MTHFD2L: variants seen among roughly 807,000 people sequenced by gnomAD.
MTHFD2L encodes bifunctional methylenetetrahydrofolate dehydrogenase/cyclohydrolase 2, mitochondrial.
A neutral mutation model predicts 34.9 loss-of-function variants in MTHFD2L; 29 were observed. The observed-to-expected ratio is 0.83, with a 90% confidence interval of 0.62 to 1.13. The LOEUF is 1.13. MTHFD2L is among the 50% of genes most tolerant of loss of function. The probability of loss-of-function intolerance (pLI) is 0.00; values close to 1 mark genes in which losing one functional copy is unlikely to be tolerated. For synonymous variants in MTHFD2L, 167 were observed against 155.7 expected (o/e 1.07, Z -0.54); for missense variants, 481 against 446.5 (o/e 1.08, Z -0.70).
intron 1 of MTHFD2L, among the ~76,000 whole-genome samples, chr4:74,144,088 T>A (rs1344440828): frequency 1.3e-5 from 2 of 152,214 alleles, no homozygotes; most frequent in Non-Finnish European, 2.9e-5. Context: ...TGCTAAACTA[T>A]CAATAAATCT....
At chr4:74,159,520 T>G (rs1724942431) in intron 1 of MTHFD2L, among the ~76,000 whole-genome samples, 1 of 152,252 alleles carries the variant, frequency 6.6e-6, no homozygotes, top group African/African-American at 2.4e-5. Context: ...TTGTTTCAAA[T>G]AGTACAACTT....
At chr4:74,274,664 G>T (rs1024946697) in intron 6 of MTHFD2L, among the ~76,000 whole-genome samples, 1 of 152,200 alleles carries the variant, frequency 6.6e-6, no homozygotes, top group Non-Finnish European at 1.5e-5. Flanking sequence ...GGTGAGAACT[G>T]CATTGACAGA....
intron 1 of MTHFD2L, among the ~76,000 whole-genome samples, chr4:74,135,189 A>C (rs1722821561): frequency 6.6e-6 from 1 of 152,154 alleles, no homozygotes; most frequent in South Asian, 2.1e-4. Context: ...TCAAGCATAA[A>C]GATAAAACTG....
At chr4:74,155,960 TTGTA>T (rs1321944832), upstream of MTHFD2L, among the ~76,000 whole-genome samples, 1 of 151,990 alleles carries the variant, frequency 6.6e-6, no homozygotes, top group African/African-American at 2.4e-5. Context: ...TGTAAAATGT[TTGTA>T]TGTATTTAGA....
chr4:74,120,785 T>C (rs962219321), upstream of MTHFD2L, among the ~76,000 whole-genome samples: 1 of 152,182 alleles, frequency 6.6e-6, no homozygotes, highest in African/African-American at 2.4e-5. Context: ...TTTCTAAAGG[T>C]AGATCACTGG....
In MTHFD2L at chr4:74,186,330, C is replaced by A. The variant is rs193215722; in HGVS notation, c.451+10927C>A. ...TTACAATCAAGAAAGTCAAGGATGT[C>A]CACTATTACCATGTCTATTTAACAT... On this transcript the variant is annotated intron_variant, in intron 3 of 7. Transcript: ENST00000325278. Among the ~76,000 whole-genome samples, 4 of 149,884 alleles carry A rather than the reference C, an allele frequency of 2.7e-5. No homozygotes were observed. In the East Asian group the frequency reaches 8.1e-4, roughly 30 times the overall value.
At chr4:74,188,209 A>G (rs1047160846) in intron 3 of MTHFD2L, among the ~76,000 whole-genome samples, 5 of 152,232 alleles carry the variant, frequency 3.3e-5, no homozygotes, top group Non-Finnish European at 4.4e-5. Flanking sequence ...TTCATCTATC[A>G]TAAGAAAATA....
At chr4:74,178,282 A>G (rs978766235) in intron 3 of MTHFD2L, among the ~76,000 whole-genome samples, 3 of 152,124 alleles carry the variant, frequency 2.0e-5, no homozygotes, top group African/African-American at 4.8e-5. Flanking sequence ...TAGCTGTTTC[A>G]TAATGTATAC....
intron 1 of MTHFD2L, among the ~76,000 whole-genome samples, chr4:74,133,537 T>C (rs529196648): frequency 6.6e-6 from 1 of 152,168 alleles, no homozygotes; most frequent in African/African-American, 2.4e-5. Context: ...TTGGACTGTA[T>C]TTTCTTAATA....
At chr4:74,146,454 CCAG>C (rs1483766507) in intron 1 of MTHFD2L, among the ~76,000 whole-genome samples, 2 of 152,128 alleles carry the variant, frequency 1.3e-5, no homozygotes, top group African/African-American at 4.8e-5. Flanking sequence ...TAATCAATCT[CCAG>C]AACTCTTTTC....
At chr4:74,251,556 G>GT (rs1165493778) in intron 6 of MTHFD2L, among the ~76,000 whole-genome samples, 2 of 152,130 alleles carry the variant, frequency 1.3e-5, no homozygotes, top group East Asian at 3.9e-4. Context: ...GTTCAGAGTA[G>GT]TTTTTTCACT....
chr4:74,131,903 T>C (rs1722535827), intron 1 of MTHFD2L, among the ~76,000 whole-genome samples: 1 of 151,798 alleles, frequency 6.6e-6, no homozygotes, highest in Non-Finnish European at 1.5e-5. Flanking sequence ...CAAACAAACA[T>C]GCCCATCAAA....
chr4:74,182,432 A>G (rs1192823167), intron 3 of MTHFD2L, among the ~76,000 whole-genome samples: 2 of 152,224 alleles, frequency 1.3e-5, no homozygotes, highest in Non-Finnish European at 2.9e-5. Context: ...TATAGTATCT[A>G]TTGTATACAG....
chr4:74,301,221 T>C (rs763274699), intron 7 of MTHFD2L, among the ~76,000 whole-genome samples: 1 of 152,122 alleles, frequency 6.6e-6, no homozygotes, highest in African/African-American at 2.4e-5. Context: ...TATTTAGTGA[T>C]ACTTACTAGA....
intron 3 of MTHFD2L, among the ~76,000 whole-genome samples, chr4:74,199,022 A>G (rs181090479): frequency 5.9e-5 from 9 of 152,152 alleles, no homozygotes; most frequent in Non-Finnish European, 1.3e-4. Flanking sequence ...ATAAACTTTT[A>G]CATAGAAAAT....
intron 6 of MTHFD2L, among the ~76,000 whole-genome samples, chr4:74,242,877 CAT>C (rs1172253843): frequency 2.6e-5 from 4 of 152,192 alleles, no homozygotes; most frequent in Non-Finnish European, 5.9e-5. Context: ...AAAAAACCAA[CAT>C]GTGTTTAAAT....
upstream of MTHFD2L, among the ~76,000 whole-genome samples, chr4:74,121,547 G>A (rs1344501772): frequency 1.4e-5 from 2 of 146,430 alleles, no homozygotes; most frequent in African/African-American, 2.5e-5. Context: ...ACAAGCTTAG[G>A]GCTCTCACTG....
At chr4:74,288,025 T>A (rs1748414501) in intron 7 of MTHFD2L, among the ~76,000 whole-genome samples, 1 of 152,246 alleles carries the variant, frequency 6.6e-6, no homozygotes, top group Admixed American at 6.5e-5. Flanking sequence ...TTTCTCCCTG[T>A]GTCTTCTCAT....
intron 1 of MTHFD2L, among the ~76,000 whole-genome samples, chr4:74,133,876 C>T (rs975169086): frequency 2.6e-5 from 4 of 152,052 alleles, no homozygotes; most frequent in Non-Finnish European, 5.9e-5. Context: ...AAATACACAG[C>T]AGCAAGATCT....
Sources: gnomAD v4.1 joint callset for allele counts (sites outside exome capture counted in the v4.1 genomes callset) on GRCh38, gnomAD v4.1.1 for gene constraint, MANE v1.5 for transcripts, NCBI Gene and HGNC (gene_info 2026-07-23, HGNC 2026-07-21) for gene names.